GRID2: variants seen among roughly 807,000 people sequenced by gnomAD.
The protein encoded by GRID2 is glutamate ionotropic receptor delta type subunit 2.
GRID2 carries 33 observed loss-of-function variants against 114.8 expected under a neutral mutation model. The observed-to-expected ratio is 0.29, with a 90% CI of 0.22 to 0.38. GRID2 has a LOEUF of 0.38. Among genes scored for constraint, GRID2 ranks in the 10% least tolerant of loss-of-function variants. The pLI, the probability that GRID2 is intolerant of heterozygous loss-of-function variation, is 1.00. For missense variants in GRID2, 1,184 were observed against 1,257.7 expected (o/e 0.94, Z 0.89); for synonymous variants, 505 against 449.9 (o/e 1.12, Z -1.55).
At chr4:93,487,523 T>G (rs1726535456) in intron 11 of GRID2, among the ~76,000 whole-genome samples, 1 of 151,942 alleles carries the variant, frequency 6.6e-6, no homozygotes, top group Non-Finnish European at 1.5e-5. Flanking sequence ...CTGGTGATTT[T>G]CTTTGACCCA....
At chr4:93,028,618 T>G (rs1413414155) in intron 2 of GRID2, among the ~76,000 whole-genome samples, 1 of 152,110 alleles carries the variant, frequency 6.6e-6, no homozygotes, top group Non-Finnish European at 1.5e-5. Flanking sequence ...CATTTTGATA[T>G]GTGTATACAA....
At chr4:93,004,009 G>C (rs1400124561) in intron 2 of GRID2, among the ~76,000 whole-genome samples, 1 of 151,852 alleles carries the variant, frequency 6.6e-6, no homozygotes, top group Non-Finnish European at 1.5e-5. Context: ...TGTGACTATT[G>C]ATATCTTTGC....
chr4:93,304,063 T>C (rs1317607664), intron 8 of GRID2, among the ~76,000 whole-genome samples: 3 of 151,572 alleles, frequency 2.0e-5, no homozygotes, highest in African/African-American at 4.8e-5. Flanking sequence ...TTTTAAAAAG[T>C]ACTTTAAAGG....
At chr4:93,652,356 A>G (rs1015450084) in intron 14 of GRID2, among the ~76,000 whole-genome samples, 2 of 152,168 alleles carry the variant, frequency 1.3e-5, no homozygotes, top group Non-Finnish European at 2.9e-5. Flanking sequence ...TAATACAGTC[A>G]TGTACCACAT....
chr4:93,186,034 A>G (rs966817679), intron 4 of GRID2, among the ~76,000 whole-genome samples: 26 of 152,100 alleles, frequency 1.7e-4, no homozygotes, highest in African/African-American at 4.6e-4. Context: ...GCTGAGAATG[A>G]TGGTTTCCAT....
At chr4:92,430,190 C>T (rs1247517306) in intron 1 of GRID2, among the ~76,000 whole-genome samples, 4 of 152,062 alleles carry the variant, frequency 2.6e-5, no homozygotes, top group East Asian at 1.9e-4. Flanking sequence ...AGACCAATGT[C>T]GTGGAAAGTT....
intron 14 of GRID2, among the ~76,000 whole-genome samples, chr4:93,738,037 G>C (rs1398905614): frequency 2.6e-5 from 4 of 152,140 alleles, no homozygotes; most frequent in Admixed American, 2.6e-4. Context: ...ATTGGAATAT[G>C]TTAATTCCAG....
intron 14 of GRID2, among the ~76,000 whole-genome samples, chr4:93,707,247 C>T (rs1728084642): frequency 6.6e-6 from 1 of 152,100 alleles, no homozygotes; most frequent in Non-Finnish European, 1.5e-5. Flanking sequence ...CTCTCCTACT[C>T]TATTTTTTGG....
chr4:93,115,398 T>TATAGACACACACAC (rs1217656948), intron 4 of GRID2, among the ~76,000 whole-genome samples: 9 of 63,502 alleles, frequency 1.4e-4, no homozygotes, highest in African/African-American at 5.0e-4. Context: ...TCCAAGTATA[T>TATAGACACACACAC]ACAGACACAC....
chr4:93,329,164 A>C (rs1169111266), intron 8 of GRID2, among the ~76,000 whole-genome samples: 1 of 152,192 alleles, frequency 6.6e-6, no homozygotes, highest in African/African-American at 2.4e-5. Context: ...GGTTTCAAGA[A>C]GGAAGAACTA....
At chr4:92,975,526 T>A (rs568322587) in intron 2 of GRID2, among the ~76,000 whole-genome samples, 1 of 152,286 alleles carries the variant, frequency 6.6e-6, no homozygotes, top group Admixed American at 6.5e-5. Flanking sequence ...TATCATATGA[T>A]GTATACCACA....
intron 14 of GRID2, among the ~76,000 whole-genome samples, chr4:93,694,238 G>T (rs1726815492): frequency 6.6e-6 from 1 of 152,066 alleles, no homozygotes; most frequent in Admixed American, 6.6e-5. Context: ...ACACTGCTAT[G>T]GCTCCTCCCC....
intron 14 of GRID2, among the ~76,000 whole-genome samples, chr4:93,664,154 C>T (rs979902110): frequency 1.7e-4 from 26 of 152,056 alleles, no homozygotes; most frequent in Non-Finnish European, 1.5e-4. Flanking sequence ...GTGCAAAGGC[C>T]CTGAGGTAGA....
At chr4:92,317,221 G>A (rs1726034436) in intron 1 of GRID2, among the ~76,000 whole-genome samples, 3 of 152,100 alleles carry the variant, frequency 2.0e-5, no homozygotes, top group Admixed American at 6.6e-5. Flanking sequence ...TAAAACATCA[G>A]TGAAAATGAC....
Position 92,448,298 on chromosome 4 carries a change from C to T in GRID2, c.89-141833C>T, listed in dbSNP as rs557581909. On this transcript the variant is annotated intron_variant, in intron 1 of 15. Transcript: ENST00000282020. ...CAAGTGATTCTCCTGTCTCAGCCTC[C>T]TGAATAGCCGGGACTATAGGTACAT... Among the ~76,000 whole-genome samples, 9 of 152,180 alleles carry T rather than the reference C, an allele frequency of 5.9e-5. No homozygotes were observed. The East Asian group carries it at 1.7e-3, about 29-fold the overall frequency.
chr4:92,723,278 G>A (rs1257764017), intron 2 of GRID2, among the ~76,000 whole-genome samples: 2 of 152,042 alleles, frequency 1.3e-5, no homozygotes, highest in African/African-American at 4.8e-5. Flanking sequence ...CTGATTTGAA[G>A]TGCTTTTACT....
chr4:92,740,745 TAGATAGATAGAC>T (rs1736856327), intron 2 of GRID2, among the ~76,000 whole-genome samples: 3 of 141,264 alleles, frequency 2.1e-5, no homozygotes, highest in African/African-American at 7.9e-5. Flanking sequence ...GATAGATGGA[TAGATAGATAGAC>T]AGATAGATAG....
At chr4:93,047,513 C>T (rs567269410) in intron 2 of GRID2, among the ~76,000 whole-genome samples, 29 of 138,252 alleles carry the variant, frequency 2.1e-4, no homozygotes, top group African/African-American at 6.8e-4. Context: ...GACTGCAGTG[C>T]CATTATACCA....
chr4:92,654,064 C>A (rs1259469501), intron 2 of GRID2, among the ~76,000 whole-genome samples: 1 of 152,050 alleles, frequency 6.6e-6, no homozygotes, highest in Non-Finnish European at 1.5e-5. Flanking sequence ...GACCATTACT[C>A]CAAAGGGTAA....
Sources: allele counts gnomAD v4.1 joint callset (sites outside exome capture counted in the v4.1 genomes callset), GRCh38; gene constraint gnomAD v4.1.1; transcripts MANE v1.5; gene names NCBI Gene and HGNC (gene_info 2026-07-23, HGNC 2026-07-21).